Variants in SYNE1 observed in about 807,000 individuals in gnomAD.
SYNE1 encodes the protein nesprin-1.
SYNE1 carries 616 observed loss-of-function variants against 1,111.0 expected under a neutral mutation model. The observed-to-expected ratio is 0.55, with a 90% CI of 0.52 to 0.59. The LOEUF (loss-of-function observed/expected upper bound fraction) is 0.59. Among genes scored for constraint, SYNE1 ranks in the 20% least tolerant of loss-of-function variants. SYNE1 has a pLI of 0.00. For synonymous variants in SYNE1, 3,855 were observed against 3,825.8 expected, an observed-to-expected ratio of 1.01 and a Z score of -0.28; for missense variants, 10,006 against 10,417.0, an observed-to-expected ratio of 0.96 and a Z score of 1.72.
At chr6:152,611,416 G>C (rs2099630956) in intron 3 of SYNE1, among the ~76,000 whole-genome samples, 6 of 152,138 alleles carry the variant, frequency 3.9e-5, no homozygotes, top group Admixed American at 3.9e-4. Context: ...TTACATAATG[G>C]TAAAGGGATC....
At chr6:152,295,110 A>G (rs969341130) in intron 93 of SYNE1, among the ~76,000 whole-genome samples, 2 of 152,218 alleles carry the variant, frequency 1.3e-5, no homozygotes, top group East Asian at 3.9e-4. Flanking sequence ...GGGACAGCTG[A>G]GATTCTAGCG....
intron 100 of SYNE1, 89 bp downstream of exon 100, chr6:152,267,967 T>A (rs2092860529): frequency 4.1e-6 from 5 of 1,218,778 alleles, no homozygotes; most frequent in Non-Finnish European, 6.0e-6. Context: ...CAGAAGATGT[T>A]TAAAATAAAA....
intron 119 of SYNE1, 124 bp from the exon 120 acceptor site, chr6:152,219,309 T>C: frequency 1.0e-6 from 1 of 976,430 alleles, no homozygotes; most frequent in Non-Finnish European, 1.6e-6. Context: ...TTAGGCTAAA[T>C]AAACTTCACC....
chr6:152,439,602 T>G (rs1322087652), intron 32 of SYNE1, among the ~76,000 whole-genome samples: 1 of 152,048 alleles, frequency 6.6e-6, no homozygotes, highest in East Asian at 1.9e-4. Context: ...CTTGAAAGAG[T>G]CTGTGGTCTT....
At position 152,433,779 on chromosome 6, in the gene SYNE1, T is replaced by C. The variant is rs2098450062; in HGVS notation, c.4461+16A>G. The C allele has an allele frequency of 5.0e-6, 8 of 1,613,428 alleles. No homozygotes were observed. The East Asian group carries it at 1.1e-4, about 22-fold the overall frequency. ...AGCTAGACATGGATTATAAATATAATGTGTGAGCAGGTCACCTTAATTTGG... is the reference window on the plus strand; with the variant it reads ...AGCTAGACATGGATTATAAATATAACGTGTGAGCAGGTCACCTTAATTTGG... On this transcript the variant is annotated intron_variant, in intron 34 of 145. Transcript: ENST00000367255.
rs576930855 is a variant in SYNE1, at chr6:152,517,942, A to G, written c.309+2517T>C. On this transcript the variant is annotated intron_variant, in intron 6 of 145. Transcript: ENST00000367255. ...ATAAAACGTTTATTATTTTAGAACC[A>G]TAACAATGTCCCACTCTTTAAAACA... Among the ~76,000 whole-genome samples, 11 of 152,086 alleles carry G rather than the reference A, an allele frequency of 7.2e-5. No individual in the cohort carries two copies. In the South Asian group the frequency reaches 1.0e-3, roughly 14 times the overall value.
chr6:152,274,824 G>C (rs1467118433), intron 98 of SYNE1, among the ~76,000 whole-genome samples: 1 of 152,100 alleles, frequency 6.6e-6, no homozygotes, highest in Non-Finnish European at 1.5e-5. Flanking sequence ...TCGAACTCCT[G>C]ACCTCAGGTG....
Position 152,293,931 on chromosome 6 carries a change from G to T in SYNE1, c.17850+29C>A, listed in dbSNP as rs376305726. Reference sequence around the variant, plus strand: ...CGCTAAGGTTACTGGTGTCTGGTGGGCATAAACTAGTCCACCTTGAAGACT... The same window carrying T: ...CGCTAAGGTTACTGGTGTCTGGTGGTCATAAACTAGTCCACCTTGAAGACT... On this transcript the variant is annotated intron_variant, in intron 94 of 145. Coordinates refer to ENST00000367255, the MANE Select transcript of SYNE1 (RefSeq NM_182961.4). The T allele has an allele frequency of 6.2e-6, 10 of 1,613,258 alleles. No homozygotes were observed. In the African/African-American group the frequency reaches 1.3e-4, roughly 22 times the overall value.
At chr6:152,210,216 C>G (rs1563532189) in intron 124 of SYNE1, among the ~76,000 whole-genome samples, 1 of 152,052 alleles carries the variant, frequency 6.6e-6, no homozygotes, top group Non-Finnish European at 1.5e-5. Flanking sequence ...AATTCTTTAC[C>G]CTCAAGTCTA....
At chr6:152,161,246 A>G (rs536648500) in intron 131 of SYNE1, among the ~76,000 whole-genome samples, 165 of 148,198 alleles carry the variant, frequency 1.1e-3, no homozygotes, top group African/African-American at 3.8e-3. Context: ...TATTTATTTC[A>G]TAATAAACAT....
At chr6:152,448,208 G>A (rs1029915703) in intron 28 of SYNE1, among the ~76,000 whole-genome samples, 2 of 152,202 alleles carry the variant, frequency 1.3e-5, no homozygotes, top group African/African-American at 4.8e-5. Flanking sequence ...TAGGAAGCGA[G>A]GCTTTATTGA....
At chr6:152,503,713 T>C (rs2099042598) in intron 9 of SYNE1, among the ~76,000 whole-genome samples, 1 of 152,160 alleles carries the variant, frequency 6.6e-6, no homozygotes, top group African/African-American at 2.4e-5. Context: ...ACTCACACTA[T>C]TTAAAAGGAA....
chr6:152,502,253 T>C (rs2099033883), intron 10 of SYNE1, among the ~76,000 whole-genome samples: 1 of 152,134 alleles, frequency 6.6e-6, no homozygotes, highest in African/African-American at 2.4e-5. Context: ...AATCCAAAAG[T>C]CAAAATTAGA....
At chr6:152,452,866 G>T (rs886092835) in intron 25 of SYNE1, among the ~76,000 whole-genome samples, 1 of 152,124 alleles carries the variant, frequency 6.6e-6, no homozygotes, top group African/African-American at 2.4e-5. Flanking sequence ...CCCGCTTCAC[G>T]CTCTCCTGCT....
chr6:152,588,054 T>C (rs2099546346), intron 3 of SYNE1, among the ~76,000 whole-genome samples: 1 of 152,174 alleles, frequency 6.6e-6, no homozygotes, highest in Non-Finnish European at 1.5e-5. Flanking sequence ...ATAGATGCCG[T>C]AAAATTTCAA....
In SYNE1 at chr6:152,330,300, C is replaced by T. The variant is rs1172380605; in HGVS notation, c.14385G>A (p.Lys4795=). 1.2e-6 allele frequency: 2 copies of T among 1,614,166 alleles called. No individual in the cohort carries two copies. The highest frequency in any genetic ancestry group is 1.1e-5 in the South Asian group (1 of 91,078). The change falls in exon 78 of 146, where the codon AAG becomes AAA. Residue 4795 remains lysine, a synonymous_variant. Coordinates refer to ENST00000367255, the MANE Select transcript of SYNE1 (RefSeq NM_182961.4). ...CTTTGGACTGCTCCTCTTTTACAGA[C>T]TTCAGTTGTCTCTCCAGCTGTTGGC... ...KMCQQLERQL[K]SVKEEQSKVN...
intron 28 of SYNE1, among the ~76,000 whole-genome samples, chr6:152,448,516 A>G (rs2098614322): frequency 6.6e-6 from 1 of 152,186 alleles, no homozygotes; most frequent in Non-Finnish European, 1.5e-5. Context: ...ATTGAGCACC[A>G]CTAGCATTTA....
chr6:152,416,739 T>C lies in SYNE1; in HGVS notation c.5698A>G (p.Asn1900Asp), dbSNP rs1256027030. The C allele has an allele frequency of 6.2e-7, 1 of 1,614,112 alleles. No homozygotes were observed. The highest frequency in any genetic ancestry group is 8.5e-7 in the Non-Finnish European group (1 of 1,180,048). The change falls in exon 41 of 146, where the codon AAC becomes GAC. Residue 1900 changes from asparagine (N) to aspartate (D), a missense_variant. Physicochemically the swap from Asn to Asp is conservative, Grantham distance 23. This residue lies in a region of SYNE1 where 4,955 missense variants were observed against 5,017.2 expected (regional missense o/e 0.99). Transcript: ENST00000367255. ...TVEATNSMNK[N>D]ESDLIEKDLN... Reference sequence around the variant, plus strand: ...TCCTTTTCTATCAAATCAGACTCGTTCTTATTCATACTGTTGGTTGCTTCC... The same window carrying C: ...TCCTTTTCTATCAAATCAGACTCGTCCTTATTCATACTGTTGGTTGCTTCC...
At position 152,468,827 on chromosome 6, in the gene SYNE1, G is replaced by C. The variant is rs1318121134; in HGVS notation, c.1633-2749C>G. ...GTCTCACTCTGTAGCTCAGGCTGAA[G>C]TGCAGCAGCAAGATCATAGCTCACT... On this transcript the variant is annotated intron_variant, in intron 16 of 145. Coordinates refer to ENST00000367255, the MANE Select transcript of SYNE1 (RefSeq NM_182961.4). Among the ~76,000 whole-genome samples the C allele has an allele frequency of 3.9e-5, 6 of 152,160 alleles. No homozygotes were observed. In the East Asian group the frequency reaches 1.2e-3, roughly 29 times the overall value.
Sources: allele counts gnomAD v4.1 joint callset (sites outside exome capture counted in the v4.1 genomes callset), GRCh38; gene constraint gnomAD v4.1.1; regional missense constraint gnomAD v4.1.1; transcripts MANE v1.5; gene names NCBI Gene and HGNC (gene_info 2026-07-23, HGNC 2026-07-21).